The following TAF4 variants were observed in gnomAD, a reference collection of about 807,000 sequenced individuals.
The protein encoded by TAF4 is transcription initiation factor TFIID subunit 4.
In TAF4, 9 loss-of-function variants were observed where a neutral mutation model predicts 90.3. The ratio of observed to expected loss-of-function variants is 0.10; its 90% confidence interval spans 0.06 to 0.17. The LOEUF is 0.17. TAF4 is among the 10% of genes least tolerant of loss of function. The pLI, the probability that TAF4 is intolerant of heterozygous loss-of-function variation, is 1.00. For synonymous variants in TAF4, 818 were observed against 638.9 expected, an observed-to-expected ratio of 1.28 and a Z score of -4.23; for missense variants, 1,351 against 1,370.7, an observed-to-expected ratio of 0.99 and a Z score of 0.23.
chr20:62,042,085 C>A (rs6061979), intron 1 of TAF4, among the ~76,000 whole-genome samples: 2 of 151,902 alleles, frequency 1.3e-5, no homozygotes, highest in African/African-American at 4.8e-5. Context: ...ATTCCTGTTT[C>A]CGCGCCCAAA....
At chr20:62,044,795 C>T (rs1274104674) in intron 1 of TAF4, among the ~76,000 whole-genome samples, 1 of 152,186 alleles carries the variant, frequency 6.6e-6, no homozygotes, top group African/African-American at 2.4e-5. Flanking sequence ...GCACCCCCAG[C>T]GCTGCCGAAA....
At chr20:62,050,494 C>T (rs1029227052) in intron 1 of TAF4, among the ~76,000 whole-genome samples, 2 of 152,134 alleles carry the variant, frequency 1.3e-5, no homozygotes, top group African/African-American at 4.8e-5. Flanking sequence ...GAGAGCAGCC[C>T]GGGGTGCTGG....
Position 62,064,780 on chromosome 20 carries a change from G to A in TAF4, c.1031C>T (p.Ala344Val), listed in dbSNP as rs1292962607. 8.2e-6 allele frequency: 9 copies of A among 1,094,800 alleles called. No homozygotes were observed. The highest frequency in any genetic ancestry group is 8.9e-6 in the Non-Finnish European group (8 of 901,530). The allele number at this position is 1,094,800 out of a possible 1,614,324, so 67.8% of individuals were successfully genotyped here. The change falls in exon 1 of 15, where the codon GCC becomes GTC. Residue 344 changes from alanine to valine, a missense_variant. Around this residue, in one of 9 missense-constraint regions of TAF4, gnomAD observed 782 missense variants for 536.6 expected, o/e 1.46. Transcript: ENST00000252996. ...AAAAPAPGVK[A>V]ESPKRVVQAA... ...CTGCACCACCCTCTTGGGCGACTCGGCCTTGACCCCCGGCGCCGGCGCCGC... is the reference window on the plus strand; with the variant it reads ...CTGCACCACCCTCTTGGGCGACTCGACCTTGACCCCCGGCGCCGGCGCCGC...
rs751150262 is a variant in TAF4 at position 61,999,028 on chromosome 20, C to T, written c.2868G>A (p.Gln956=). The T allele has an allele frequency of 6.2e-7, 1 of 1,614,124 alleles. No individual in the cohort carries two copies. Among genetic ancestry groups the T allele is most frequent in the Admixed American group, 1.7e-5 (1 of 60,026 alleles). Residue 956 remains glutamine (Q), a synonymous_variant, in exon 12 of 15, where the codon CAG becomes CAA. Coordinates refer to ENST00000252996, the MANE Select transcript of TAF4 (RefSeq NM_003185.4). The part of the protein sequence containing the change: ...FFEQLDQIEK[Q]RKDEQEREIL... Reference sequence around the variant, plus strand: ...TCTCCCGCTCCTGCTCATCCTTCCTCTGCTTTTCGATTTGATCAAGCTGTT... The same window carrying T: ...TCTCCCGCTCCTGCTCATCCTTCCTTTGCTTTTCGATTTGATCAAGCTGTT...
chr20:62,045,176 C>T (rs1267865588), intron 1 of TAF4, among the ~76,000 whole-genome samples: 1 of 152,234 alleles, frequency 6.6e-6, no homozygotes, highest in Admixed American at 6.5e-5. Flanking sequence ...AAAGCCATGC[C>T]GCTCAAACGG....
At chr20:62,008,358 G>A (rs1002630566) in intron 5 of TAF4, among the ~76,000 whole-genome samples, 6 of 152,162 alleles carry the variant, frequency 3.9e-5, no homozygotes, top group African/African-American at 9.7e-5. Flanking sequence ...TCCCACTGAC[G>A]CCAGCACAGC....
chr20:62,038,684 T>A (rs1323358083), intron 1 of TAF4, among the ~76,000 whole-genome samples: 2 of 152,276 alleles, frequency 1.3e-5, no homozygotes, highest in East Asian at 3.9e-4. Flanking sequence ...CGTTCGTGAA[T>A]CAGAACACTC....
At position 61,998,950 on chromosome 20, in the gene TAF4, C is replaced by G. The variant is rs957913007; in HGVS notation, c.2913+33G>C. ...TCAGGTTGTGGCTGAGACGGAGGTG[C>G]CCAGACGGCAGCAGCAGACACCCAG... is the stretch of plus-strand genomic sequence containing the variant. On this transcript the variant is annotated intron_variant, in intron 12 of 14. Transcript: ENST00000252996. The G allele has an allele frequency of 3.7e-6, 6 of 1,608,382 alleles. No homozygotes were observed. In the African/African-American group the frequency reaches 6.7e-5, roughly 18 times the overall value.
chr20:61,988,258 A>G (rs2055607440), intron 14 of TAF4, among the ~76,000 whole-genome samples: 1 of 92,374 alleles, frequency 1.1e-5, no homozygotes, highest in South Asian at 3.2e-4. Flanking sequence ...TAACAAACGC[A>G]CCACCCGGCC....
At chr20:62,053,461 G>A (rs1434330926) in intron 1 of TAF4, among the ~76,000 whole-genome samples, 1 of 152,194 alleles carries the variant, frequency 6.6e-6, no homozygotes, top group East Asian at 1.9e-4. Context: ...GAAACACTGG[G>A]GCACCCACAT....
intron 1 of TAF4, among the ~76,000 whole-genome samples, chr20:62,061,602 T>C (rs1320902075): frequency 6.6e-6 from 1 of 152,236 alleles, no homozygotes; most frequent in Non-Finnish European, 1.5e-5. Context: ...CTCAACAATT[T>C]ACCAACATGC....
chr20:62,033,106 A>T (rs1160948886), intron 1 of TAF4, among the ~76,000 whole-genome samples: 2 of 152,196 alleles, frequency 1.3e-5, no homozygotes, highest in East Asian at 1.9e-4. Context: ...GTGACCTAGG[A>T]AGAGCAGGGC....
intron 13 of TAF4, among the ~76,000 whole-genome samples, 188 bp from the exon 14 acceptor site, chr20:61,997,857 T>TAA (rs1055017007): frequency 1.3e-5 from 2 of 152,232 alleles, no homozygotes; most frequent in African/African-American, 4.8e-5. Context: ...ATGCAACAGA[T>TAA]GTTTGTCTTA....
intron 1 of TAF4, among the ~76,000 whole-genome samples, chr20:62,018,214 T>C (rs2123156987): frequency 6.6e-6 from 1 of 152,364 alleles, no homozygotes; most frequent in Admixed American, 6.5e-5. Flanking sequence ...CACTGGGGAC[T>C]TTCTTGTCCG....
chr20:62,014,317 C>A (rs1031656414), intron 2 of TAF4, among the ~76,000 whole-genome samples: 3 of 152,064 alleles, frequency 2.0e-5, no homozygotes, highest in Non-Finnish European at 2.9e-5. Flanking sequence ...CAGTGGGCTG[C>A]GGGAGCTGGT....
chr20:62,008,860 C>G (rs1600841298), intron 5 of TAF4, 192 bp downstream of exon 5: 5 of 641,932 alleles, frequency 7.8e-6, no homozygotes, highest in Middle Eastern at 4.4e-4. Context: ...ACACCCAGCC[C>G]CAGGAAGGAG....
At chr20:61,999,477 G>A (rs571612956) in intron 11 of TAF4, among the ~76,000 whole-genome samples, 20 of 152,314 alleles carry the variant, frequency 1.3e-4, no homozygotes, top group Admixed American at 1.0e-3. Context: ...ACTGCCTCCC[G>A]GCTGTGGCAG....
intron 1 of TAF4, among the ~76,000 whole-genome samples, chr20:62,020,306 GCT>G (rs1346746581): frequency 2.0e-5 from 3 of 152,142 alleles, no homozygotes; most frequent in Non-Finnish European, 4.4e-5. Flanking sequence ...GTCCTGAGGG[GCT>G]CTCAGCCCCA....
intron 1 of TAF4, among the ~76,000 whole-genome samples, chr20:62,027,687 T>C (rs1030970011): frequency 6.6e-6 from 1 of 152,174 alleles, no homozygotes; most frequent in Non-Finnish European, 1.5e-5. Context: ...AATAATTAAT[T>C]TTCTGCATTG....
Sources: allele counts gnomAD v4.1 joint callset (sites outside exome capture counted in the v4.1 genomes callset), GRCh38; gene constraint gnomAD v4.1.1; regional missense constraint gnomAD v4.1.1; transcripts MANE v1.5; gene names NCBI Gene and HGNC (gene_info 2026-07-23, HGNC 2026-07-21).